The following IMMP2L variants were observed in gnomAD, a reference collection of about 807,000 sequenced individuals.
IMMP2L encodes mitochondrial inner membrane protease subunit 2.
Under a neutral mutation model 19.3 loss-of-function variants are expected in IMMP2L, and 18 were observed. The observed-to-expected ratio is 0.93, with a 90% CI of 0.64 to 1.38. The LOEUF is 1.38. Ranked by LOEUF, IMMP2L falls within the 40% of genes most tolerant of loss-of-function variation. The pLI is 0.00. For missense variants in IMMP2L, 233 were observed against 218.2 expected (o/e 1.07, Z -0.43); for synonymous variants, 76 against 73.0 (o/e 1.04, Z -0.21).
intron 3 of IMMP2L, among the ~76,000 whole-genome samples, chr7:111,146,230 A>G (rs1803455567): frequency 7.3e-6 from 1 of 137,486 alleles, no homozygotes; most frequent in African/African-American, 2.7e-5. Flanking sequence ...TGAGGAAGGA[A>G]AGAGGTGGGG....
At chr7:111,283,659 C>A (rs1820148350) in intron 3 of IMMP2L, among the ~76,000 whole-genome samples, 1 of 152,054 alleles carries the variant, frequency 6.6e-6, no homozygotes, top group South Asian at 2.1e-4. Context: ...GGTAACAAGA[C>A]ATCATTAAAG....
At chr7:110,798,511 A>G (rs908860047) in intron 5 of IMMP2L, among the ~76,000 whole-genome samples, 3 of 152,032 alleles carry the variant, frequency 2.0e-5, no homozygotes, top group Non-Finnish European at 4.4e-5. Flanking sequence ...GATTGAATAA[A>G]CAAATGAAGG....
intron 3 of IMMP2L, among the ~76,000 whole-genome samples, chr7:111,409,850 G>GATA (rs1319032430): frequency 1.3e-5 from 2 of 151,754 alleles, no homozygotes; most frequent in African/African-American, 4.9e-5. Flanking sequence ...AGAGGCATGT[G>GATA]ATTATTAACA....
intron 3 of IMMP2L, among the ~76,000 whole-genome samples, chr7:111,202,583 C>T (rs1457704749): frequency 6.6e-6 from 1 of 152,070 alleles, no homozygotes; most frequent in Non-Finnish European, 1.5e-5. Context: ...CTCTAATGAT[C>T]GACAGTACAG....
At chr7:111,296,197 C>T (rs149088449) in intron 3 of IMMP2L, among the ~76,000 whole-genome samples, 1 of 151,712 alleles carries the variant, frequency 6.6e-6, no homozygotes, top group Non-Finnish European at 1.5e-5. Context: ...AATAAACCAT[C>T]GTTAAAATGG....
At chr7:110,865,805 T>G (rs1199290354) in intron 5 of IMMP2L, among the ~76,000 whole-genome samples, 1 of 152,056 alleles carries the variant, frequency 6.6e-6, no homozygotes, top group Non-Finnish European at 1.5e-5. Flanking sequence ...CCATTTTTAA[T>G]GAGGAAAATT....
intron 3 of IMMP2L, among the ~76,000 whole-genome samples, chr7:111,171,681 T>C (rs1243673167): frequency 1.3e-5 from 2 of 151,494 alleles, no homozygotes. Context: ...TTTACCAACA[T>C]TCTAATCAGA....
intron 3 of IMMP2L, among the ~76,000 whole-genome samples, chr7:111,155,324 C>A (rs1246799326): frequency 6.6e-6 from 1 of 152,064 alleles, no homozygotes; most frequent in African/African-American, 2.4e-5. Flanking sequence ...TAACATTCAA[C>A]TCTGGCTGCC....
chr7:111,287,168 G>C (rs1160182418), intron 3 of IMMP2L, among the ~76,000 whole-genome samples: 1 of 152,144 alleles, frequency 6.6e-6, no homozygotes, highest in Admixed American at 6.6e-5. Context: ...AATCCTGTCT[G>C]TGGTAATAAA....
chr7:111,043,769 A>C (rs1341069821), intron 3 of IMMP2L, among the ~76,000 whole-genome samples: 1 of 152,222 alleles, frequency 6.6e-6, no homozygotes, highest in Non-Finnish European at 1.5e-5. Context: ...GTTAATATGT[A>C]CTAGACAAGA....
At chr7:110,825,759 T>C (rs1729915330) in intron 5 of IMMP2L, among the ~76,000 whole-genome samples, 1 of 152,124 alleles carries the variant, frequency 6.6e-6, no homozygotes, top group African/African-American at 2.4e-5. Context: ...GGCAATACCA[T>C]TCAGGACATA....
At chr7:111,041,165 C>G (rs1217387414) in intron 3 of IMMP2L, among the ~76,000 whole-genome samples, 2 of 151,832 alleles carry the variant, frequency 1.3e-5, no homozygotes, top group Non-Finnish European at 2.9e-5. Flanking sequence ...TTATTGTTTT[C>G]CTGGGGCTCA....
At chr7:111,533,860 A>G (rs1001906233) in intron 1 of IMMP2L, among the ~76,000 whole-genome samples, 10 of 152,078 alleles carry the variant, frequency 6.6e-5, no homozygotes, top group African/African-American at 2.2e-4. Flanking sequence ...ATTTCACTAC[A>G]TAAAAATCAA....
intron 4 of IMMP2L, among the ~76,000 whole-genome samples, chr7:110,893,477 T>TA (rs956896922): frequency 2.0e-5 from 3 of 152,272 alleles, no homozygotes; most frequent in African/African-American, 7.2e-5. Flanking sequence ...GTTACTTTTT[T>TA]AAAAAAATAG....
intron 1 of IMMP2L, among the ~76,000 whole-genome samples, chr7:111,526,916 T>A (rs994513242): frequency 2.0e-5 from 3 of 152,148 alleles, no homozygotes; most frequent in African/African-American, 7.2e-5. Context: ...GTATGCATGA[T>A]TAAAATGTAA....
intron 2 of IMMP2L, among the ~76,000 whole-genome samples, chr7:111,513,611 C>T (rs541162300): frequency 6.6e-6 from 1 of 152,132 alleles, no homozygotes; most frequent in East Asian, 1.9e-4. Flanking sequence ...GGATATGTAT[C>T]CAAAGGAAAT....
chr7:111,294,706 G>A (rs1821445960), intron 3 of IMMP2L, among the ~76,000 whole-genome samples: 1 of 151,844 alleles, frequency 6.6e-6, no homozygotes, highest in African/African-American at 2.4e-5. Flanking sequence ...CTGATACTGT[G>A]AAATAATGCT....
At chr7:110,681,116 T>C (rs1428900541) in intron 5 of IMMP2L, among the ~76,000 whole-genome samples, 1 of 151,566 alleles carries the variant, frequency 6.6e-6, no homozygotes, top group Admixed American at 6.6e-5. Flanking sequence ...GTGGAAATAC[T>C]GGTGAAAGAA....
intron 3 of IMMP2L, among the ~76,000 whole-genome samples, chr7:110,970,561 T>C (rs1374669735): frequency 6.6e-6 from 1 of 152,104 alleles, no homozygotes; most frequent in Admixed American, 6.6e-5. Context: ...GATTTTAATA[T>C]ATTGAATATG....
Sources: allele counts gnomAD v4.1 joint callset (sites outside exome capture counted in the v4.1 genomes callset), GRCh38; gene constraint gnomAD v4.1.1; transcripts MANE v1.5; gene names NCBI Gene and HGNC (gene_info 2026-07-23, HGNC 2026-07-21).